Variants in DAB1 observed in about 807,000 individuals in gnomAD.
DAB1 encodes the protein DAB adaptor protein 1.
In DAB1, 15 loss-of-function variants were observed where a neutral mutation model predicts 64.6. The observed-to-expected ratio is 0.23, with a 90% CI of 0.16 to 0.36. DAB1 has a LOEUF of 0.36. Among genes scored for constraint, DAB1 ranks in the 10% least tolerant of loss-of-function variants. DAB1 has a pLI of 1.00. For synonymous variants in DAB1, 235 were observed against 251.9 expected (o/e 0.93, Z 0.64); for missense variants, 596 against 706.7 (o/e 0.84, Z 1.78).
intron 3 of DAB1, among the ~76,000 whole-genome samples, chr1:58,452,597 G>T (rs1431739120): frequency 1.3e-5 from 2 of 150,264 alleles, no homozygotes; most frequent in Non-Finnish European, 3.0e-5. Context: ...ATCACCTGAG[G>T]TCAGGAGTTC....
intron 1 of DAB1, among the ~76,000 whole-genome samples, chr1:57,365,035 G>A (rs560174018): frequency 7.0e-6 from 1 of 143,076 alleles, no homozygotes; most frequent in East Asian, 2.0e-4. Context: ...TATTATTATT[G>A]TTCATAAATC....
intron 2 of DAB1, among the ~76,000 whole-genome samples, chr1:57,202,262 CA>C (rs1208584776): frequency 1.3e-5 from 2 of 152,020 alleles, no homozygotes; most frequent in Non-Finnish European, 2.9e-5. Context: ...CTTGCAGGTG[CA>C]AAAAAATACA....
At chr1:57,667,520 G>T (rs1483419510) in intron 6 of DAB1, among the ~76,000 whole-genome samples, 1 of 152,000 alleles carries the variant, frequency 6.6e-6, no homozygotes, top group East Asian at 1.9e-4. Flanking sequence ...TATGTTTTGT[G>T]TACTGCCATG....
chr1:57,251,686 C>T (rs1669355454), intron 2 of DAB1, among the ~76,000 whole-genome samples: 1 of 152,186 alleles, frequency 6.6e-6, no homozygotes, highest in South Asian at 2.1e-4. Flanking sequence ...AAAAAAAAAT[C>T]TTCCCTTTTA....
chr1:57,425,493 T>C (rs1273361297), upstream of DAB1, among the ~76,000 whole-genome samples: 1 of 152,132 alleles, frequency 6.6e-6, no homozygotes, highest in Non-Finnish European at 1.5e-5. Flanking sequence ...CCAGGGCTGG[T>C]ACATACAAAG....
chr1:57,365,232 AATAT>A (rs919092324), intron 1 of DAB1, among the ~76,000 whole-genome samples: 25 of 142,696 alleles, frequency 1.8e-4, no homozygotes, highest in African/African-American at 6.3e-4. Flanking sequence ...GTTATATAAA[AATAT>A]ATAAACATAT....
Position 57,436,213 on chromosome 1 carries a change from G to A in DAB1, n.626-145047C>T, listed in dbSNP as rs149942673. On this transcript the variant is annotated intron_variant and non_coding_transcript_variant, in intron 7 of 20. Coordinates refer to the DAB1 transcript ENST00000485760. ...ATTACAGGCGTGAGCCACCATGCCC[G>A]GCTGTGCTAGACTTTTATACGACGG... Among the ~76,000 whole-genome samples the A allele has an allele frequency of 1.2e-4, 18 of 152,114 alleles. No homozygotes were observed. In the East Asian group the frequency reaches 3.5e-3, roughly 29 times the overall value.
intron 6 of DAB1, among the ~76,000 whole-genome samples, chr1:57,728,959 T>C (rs745699131): frequency 6.6e-6 from 1 of 152,222 alleles, no homozygotes; most frequent in Non-Finnish European, 1.5e-5. Context: ...TTATCTTTTG[T>C]TGTAACTAAT....
chr1:57,086,106 G>A (rs948844023), intron 4 of DAB1, among the ~76,000 whole-genome samples: 6 of 152,176 alleles, frequency 3.9e-5, no homozygotes, highest in Admixed American at 6.5e-5. Context: ...GTCAGGGGAT[G>A]CAGAATTTTG....
At chr1:57,008,284 C>T (rs949875001) in intron 14 of DAB1, among the ~76,000 whole-genome samples, 2 of 152,112 alleles carry the variant, frequency 1.3e-5, no homozygotes, top group Non-Finnish European at 2.9e-5. Context: ...GCTGTTGTGA[C>T]ACATATTGAA....
At chr1:56,999,750 C>G (rs1645773531) in intron 14 of DAB1, among the ~76,000 whole-genome samples, 1 of 152,150 alleles carries the variant, frequency 6.6e-6, no homozygotes, top group African/African-American at 2.4e-5. Context: ...GTATCCATGC[C>G]AAGAGTAGAC....
intron 4 of DAB1, among the ~76,000 whole-genome samples, chr1:58,174,911 T>C (rs1297748581): frequency 6.6e-6 from 1 of 151,988 alleles, no homozygotes; most frequent in Admixed American, 6.6e-5. Flanking sequence ...CAGCACTCTG[T>C]ACAAATGCAC....
chr1:58,011,318 GA>G (rs1172761146), intron 5 of DAB1, among the ~76,000 whole-genome samples: 1 of 152,184 alleles, frequency 6.6e-6, no homozygotes, highest in African/African-American at 2.4e-5. Context: ...TTTTATAAAT[GA>G]AATTGGCAGA....
At chr1:57,205,115 A>G (rs1279641489) in intron 2 of DAB1, among the ~76,000 whole-genome samples, 1 of 152,182 alleles carries the variant, frequency 6.6e-6, no homozygotes, top group Non-Finnish European at 1.5e-5. Context: ...TTCTCTTATT[A>G]TTGCAGCATT....
intron 5 of DAB1, among the ~76,000 whole-genome samples, chr1:58,028,924 C>A (rs1339419081): frequency 6.6e-6 from 1 of 152,116 alleles, no homozygotes; most frequent in Non-Finnish European, 1.5e-5. Flanking sequence ...CTATTATTAA[C>A]ACAGTACCCC....
chr1:57,580,366 T>C (rs1487055816), intron 7 of DAB1, among the ~76,000 whole-genome samples: 1 of 152,130 alleles, frequency 6.6e-6, no homozygotes, highest in Admixed American at 6.5e-5. Flanking sequence ...GCCCCATCCA[T>C]GTCTGGCCAA....
chr1:57,014,104 A>G (rs1014416617), intron 12 of DAB1, among the ~76,000 whole-genome samples: 1 of 152,236 alleles, frequency 6.6e-6, no homozygotes, highest in African/African-American at 2.4e-5. Context: ...GAGTTCTATA[A>G]TGTTTGAGCA....
At chr1:57,181,303 G>A (rs1342806471) in intron 2 of DAB1, among the ~76,000 whole-genome samples, 4 of 152,106 alleles carry the variant, frequency 2.6e-5, no homozygotes, top group Non-Finnish European at 2.9e-5. Context: ...GTGAGGCCTC[G>A]GACTTGACGG....
intron 1 of DAB1, among the ~76,000 whole-genome samples, chr1:57,402,335 A>C (rs1249336812): frequency 6.6e-6 from 1 of 152,250 alleles, no homozygotes; most frequent in Non-Finnish European, 1.5e-5. Context: ...GGGTTGAATC[A>C]GAAAATTGGA....
Sources: allele counts gnomAD v4.1 joint callset (sites outside exome capture counted in the v4.1 genomes callset), GRCh38; gene constraint gnomAD v4.1.1; transcripts MANE v1.5; gene names NCBI Gene and HGNC (gene_info 2026-07-23, HGNC 2026-07-21).